Variants in TRIO observed in about 807,000 individuals in gnomAD.
The protein encoded by TRIO is triple functional domain protein.
TRIO carries 58 observed loss-of-function variants against 351.9 expected under a neutral mutation model. The ratio of observed to expected loss-of-function variants is 0.16; its 90% CI spans 0.13 to 0.21. The LOEUF (loss-of-function observed/expected upper bound fraction) is 0.21, where lower values mean the gene tolerates loss of function less well. Ranked by LOEUF, TRIO falls within the 10% of genes least tolerant of loss-of-function variation. TRIO has a pLI of 1.00. For synonymous variants in TRIO, 1,758 were observed against 1,595.7 expected (o/e 1.10, Z -2.42); for missense variants, 3,201 against 4,027.8 (o/e 0.79, Z 5.56).
At chr5:14,415,094 T>C (rs1468464134) in intron 33 of TRIO, among the ~76,000 whole-genome samples, 1 of 152,224 alleles carries the variant, frequency 6.6e-6, no homozygotes, top group African/African-American at 2.4e-5. Context: ...TCTGAATGAC[T>C]GAACTGTAGT....
In TRIO at chr5:14,324,167, G is replaced by T. The variant is rs556250675; in HGVS notation, c.1732-6611G>T. Among the ~76,000 whole-genome samples, 14 of 152,304 alleles carry T rather than the reference G, an allele frequency of 9.2e-5. No individual in the cohort carries two copies. The South Asian group carries it at 2.9e-3, about 32-fold the overall frequency. ...TGTTAATTTTGGTTTTATAGAGAAT[G>T]TGGGCTGGCAGGGAGGAAATCTTTA... On this transcript the variant is annotated intron_variant, in intron 9 of 56. Coordinates refer to ENST00000344204, the MANE Select transcript of TRIO (RefSeq NM_007118.4).
At chr5:14,238,549 C>T (rs986343416) in intron 1 of TRIO, among the ~76,000 whole-genome samples, 7 of 152,130 alleles carry the variant, frequency 4.6e-5, no homozygotes, top group Non-Finnish European at 8.8e-5. Context: ...ATGGGACACC[C>T]GAGGAGATAA....
At chr5:14,253,422 C>A (rs371878460) in intron 1 of TRIO, among the ~76,000 whole-genome samples, 91 of 152,304 alleles carry the variant, frequency 6.0e-4, no homozygotes, top group African/African-American at 2.1e-3. Context: ...GTGGCATGAT[C>A]TTGGTGCGCT....
intron 7 of TRIO, among the ~76,000 whole-genome samples, chr5:14,300,047 A>G (rs1737745983): frequency 6.6e-6 from 1 of 152,244 alleles, no homozygotes; most frequent in South Asian, 2.1e-4. Flanking sequence ...TGTCATCTCC[A>G]GTGAAGGTTG....
chr5:14,492,896 G>A (rs1307707049), intron 49 of TRIO, 82 bp downstream of exon 49: 12 of 1,558,938 alleles, frequency 7.7e-6, no homozygotes, highest in Non-Finnish European at 9.6e-6. Context: ...ACCTCAGACG[G>A]GGTAAGCATG....
intron 13 of TRIO, among the ~76,000 whole-genome samples, chr5:14,359,972 C>G (rs75372937): frequency 0.021 from 3,215 of 152,120 alleles, 109 homozygotes; most frequent in African/African-American, 0.073. Context: ...CCTTCCCACT[C>G]TCCTCCTGTC....
chr5:14,366,478 A>T (rs936924297), intron 15 of TRIO, among the ~76,000 whole-genome samples: 1 of 152,216 alleles, frequency 6.6e-6, no homozygotes, highest in African/African-American at 2.4e-5. Flanking sequence ...CCAATTTTTC[A>T]GTCCTAAAAA....
chr5:14,431,383 C>T (rs1221062651), intron 34 of TRIO, among the ~76,000 whole-genome samples: 1 of 152,172 alleles, frequency 6.6e-6, no homozygotes, highest in Admixed American at 6.5e-5. Flanking sequence ...ACAGGGCCCC[C>T]AAAGTGTTTA....
chr5:14,370,969 T>C (rs550126947), intron 18 of TRIO, among the ~76,000 whole-genome samples: 1 of 152,342 alleles, frequency 6.6e-6, no homozygotes, highest in South Asian at 2.1e-4. Context: ...GTTTGACTTG[T>C]GATTTTTGGA....
rs781364663 is a variant in TRIO at position 14,485,233 on chromosome 5, C to G, written c.6822C>G (p.Arg2274=). 1 of 1,578,944 alleles carries G rather than the reference C, an allele frequency of 6.3e-7. No homozygotes were observed. Among genetic ancestry groups the G allele is most frequent in the Admixed American group, 1.7e-5 (1 of 57,424 alleles). The change falls in exon 47 of 57, where the codon CGC becomes CGG. Residue 2274 remains arginine (R), a synonymous_variant. Coordinates refer to ENST00000344204, the MANE Select transcript of TRIO (RefSeq NM_007118.4). The part of the protein sequence containing the change: ...HEINQILENQ[R]NFLNALTSPI... ...TCAACCAAATTTTAGAAAACCAGCGCAATTTTTTAAATGGTAATGTGTGTT... is the reference window on the plus strand; with the variant it reads ...TCAACCAAATTTTAGAAAACCAGCGGAATTTTTTAAATGGTAATGTGTGTT...
intron 40 of TRIO, among the ~76,000 whole-genome samples, chr5:14,475,567 T>G (rs1755011347): frequency 6.6e-6 from 1 of 152,230 alleles, no homozygotes; most frequent in African/African-American, 2.4e-5. Flanking sequence ...GAGGTCTTTA[T>G]TTTCATATCC....
At chr5:14,481,425 C>T in intron 44 of TRIO, 116 bp from the exon 45 acceptor site, 1 of 1,469,274 alleles carries the variant, frequency 6.8e-7, no homozygotes, top group South Asian at 1.2e-5. Flanking sequence ...TCTCCATAAG[C>T]CCTGCACACT....
intron 1 of TRIO, among the ~76,000 whole-genome samples, chr5:14,153,946 G>A (rs1787965156): frequency 6.6e-6 from 1 of 152,220 alleles, no homozygotes; most frequent in Admixed American, 6.5e-5. Context: ...GCTATAGCAA[G>A]TATTTTTCTC....
At chr5:14,266,502 A>G (rs1795687082) in intron 1 of TRIO, among the ~76,000 whole-genome samples, 2 of 152,228 alleles carry the variant, frequency 1.3e-5, no homozygotes, top group South Asian at 4.1e-4. Flanking sequence ...ATTATTAAGG[A>G]ATAGAAGTGA....
At chr5:14,323,184 A>G (rs1047475847) in intron 9 of TRIO, among the ~76,000 whole-genome samples, 4 of 143,560 alleles carry the variant, frequency 2.8e-5, no homozygotes, top group African/African-American at 1.0e-4. Context: ...AAAGCCCACA[A>G]ATGTGTGTTG....
At chr5:14,225,984 G>A (rs996223151) in intron 1 of TRIO, among the ~76,000 whole-genome samples, 3 of 152,196 alleles carry the variant, frequency 2.0e-5, no homozygotes, top group East Asian at 1.9e-4. Flanking sequence ...GAGTTCCGCC[G>A]TGGCAGGGCT....
chr5:14,485,358 A>C, intron 47 of TRIO, 112 bp downstream of exon 47: 1 of 1,147,382 alleles, frequency 8.7e-7, no homozygotes, highest in Non-Finnish European at 1.2e-6. Context: ...AGCACTCACC[A>C]CTCTTCAGGC....
intron 8 of TRIO, among the ~76,000 whole-genome samples, chr5:14,312,781 G>C (rs1311152186): frequency 6.6e-6 from 1 of 152,102 alleles, no homozygotes; most frequent in East Asian, 1.9e-4. Flanking sequence ...CATTTTATAT[G>C]AATTTTTTTG....
Position 14,462,937 on chromosome 5 carries a change from T to C in TRIO, c.5667+12T>C. 3.8e-6 allele frequency: 6 copies of C among 1,572,428 alleles called. No individual in the cohort carries two copies. The highest frequency in any genetic ancestry group is 4.3e-6 in the Non-Finnish European group (5 of 1,160,934). ...CACAGGATGACAAGGTAAAGGGGGA[T>C]GAGGGCTGGGGAATCCATGCCTGCC... is the stretch of plus-strand genomic sequence containing the variant. On this transcript the variant is annotated intron_variant, in intron 36 of 56. Coordinates refer to ENST00000344204, the MANE Select transcript of TRIO (RefSeq NM_007118.4).
Sources: gnomAD v4.1 joint callset for allele counts (sites outside exome capture counted in the v4.1 genomes callset) on GRCh38, gnomAD v4.1.1 for gene constraint, MANE v1.5 for transcripts, NCBI Gene and HGNC (gene_info 2026-07-23, HGNC 2026-07-21) for gene names.